Variants in MED12L observed in about 807,000 individuals in gnomAD.
MED12L encodes the protein mediator complex subunit 12L.
A neutral mutation model predicts 281.3 loss-of-function variants in MED12L; 60 were observed. The observed-to-expected ratio is 0.21, with a 90% CI of 0.17 to 0.26. The LOEUF is 0.26. Among genes scored for constraint, MED12L ranks in the 10% least tolerant of loss-of-function variants. MED12L has a pLI of 1.00. For missense variants in MED12L, 2,146 were observed against 2,680.9 expected (o/e 0.80, Z 4.41); for synonymous variants, 974 against 987.2 (o/e 0.99, Z 0.25).
rs200375423 is a variant in MED12L at position 151,317,000 on chromosome 3, T to G, written c.2251-33059T>G. ...TGCTTAAGGAGTGGGGGATGAAGTC[T>G]CGGGTTGGGGCCTACTAACTCATCA... On this transcript the variant is annotated intron_variant, in intron 16 of 44. Transcript: ENST00000687756. 2.6e-5 allele frequency: 4 copies of G among 152,024 alleles called. No homozygotes were observed. In the East Asian group the frequency reaches 7.7e-4, roughly 29 times the overall value. 9.4% of individuals were successfully genotyped at this position (152,024 alleles called of 1,614,324 possible). A position where few individuals can be genotyped will look rare whatever the true frequency, so the allele number is the denominator to read the frequency against.
intron 38 of MED12L, among the ~76,000 whole-genome samples, chr3:151,392,911 AAG>A (rs1201326762): frequency 6.6e-6 from 1 of 152,280 alleles, no homozygotes; most frequent in African/African-American, 2.4e-5. Flanking sequence ...AATCTTTAAA[AAG>A]AATTTCCCTT....
At chr3:151,284,781 T>C (rs1249759742) in intron 16 of MED12L, among the ~76,000 whole-genome samples, 1 of 152,178 alleles carries the variant, frequency 6.6e-6, no homozygotes, top group African/African-American at 2.4e-5. Context: ...GCTAATTTTG[T>C]ATTTTCAGTA....
At chr3:151,170,364 C>T (rs1456351603) in intron 11 of MED12L, among the ~76,000 whole-genome samples, 5 of 151,418 alleles carry the variant, frequency 3.3e-5, no homozygotes, top group African/African-American at 9.7e-5. Flanking sequence ...TAACCTCTGC[C>T]TCCTGAGTTC....
intron 3 of MED12L, 103 bp from the exon 4 acceptor site, chr3:151,122,680 T>C: frequency 1.3e-6 from 1 of 778,800 alleles, no homozygotes; most frequent in Non-Finnish European, 1.9e-6. Flanking sequence ...TGATGGGATG[T>C]ATGAAGATTT....
chr3:151,119,226 T>C (rs1166119749), intron 3 of MED12L, among the ~76,000 whole-genome samples: 1 of 152,206 alleles, frequency 6.6e-6, no homozygotes, highest in Non-Finnish European at 1.5e-5. Context: ...GCTTTTGTTC[T>C]TTAGGATAAA....
At chr3:151,416,034 G>A (rs1465433333) in intron 42 of MED12L, among the ~76,000 whole-genome samples, 1 of 152,102 alleles carries the variant, frequency 6.6e-6, no homozygotes, top group African/African-American at 2.4e-5. Flanking sequence ...AGAAGGGATG[G>A]CCCCGGACAG....
At chr3:151,294,659 T>C in intron 16 of MED12L, 2 of 1,614,212 alleles carry the variant, frequency 1.2e-6, no homozygotes, top group East Asian at 4.5e-5. Flanking sequence ...CAAAGGACTT[T>C]TAAGTTTTGA....
chr3:151,380,086 CTGT>C, intron 31 of MED12L, 24 bp from the exon 32 acceptor site: 2 of 1,357,588 alleles, frequency 1.5e-6, no homozygotes, highest in Non-Finnish European at 2.1e-6. Context: ...CTAACTAGAT[CTGT>C]TGTTATTATT....
intron 16 of MED12L, among the ~76,000 whole-genome samples, chr3:151,267,246 A>G (rs150231813): frequency 5.9e-5 from 9 of 152,144 alleles, no homozygotes; most frequent in African/African-American, 2.2e-4. Context: ...TTTGGCTGTG[A>G]AAAGGATTGT....
chr3:151,239,431 G>T (rs1733623077), intron 16 of MED12L, among the ~76,000 whole-genome samples: 1 of 152,170 alleles, frequency 6.6e-6, no homozygotes, highest in Admixed American at 6.5e-5. Flanking sequence ...TAAACATTTT[G>T]CAAGAGATTG....
At chr3:151,228,584 C>T (rs1026989185) in intron 16 of MED12L, among the ~76,000 whole-genome samples, 18 of 152,290 alleles carry the variant, frequency 1.2e-4, no homozygotes, top group Admixed American at 9.8e-4. Context: ...AGTGCTTGAA[C>T]AAGGGACAAA....
chr3:151,134,373 T>TA (rs1715837291), intron 5 of MED12L, among the ~76,000 whole-genome samples: 1 of 152,226 alleles, frequency 6.6e-6, no homozygotes, highest in Non-Finnish European at 1.5e-5. Flanking sequence ...GTGAAAGAGA[T>TA]ACGTTATTCT....
chr3:151,272,419 C>T (rs1577197996), intron 16 of MED12L, among the ~76,000 whole-genome samples: 1 of 152,286 alleles, frequency 6.6e-6, no homozygotes, highest in East Asian at 1.9e-4. Context: ...TGTATCATGT[C>T]CCTCTTACAA....
chr3:151,300,133 C>A (rs200302935), intron 16 of MED12L: 8 of 1,552,858 alleles, frequency 5.2e-6, no homozygotes, highest in Admixed American at 1.7e-5. Context: ...AGCAAAGATG[C>A]GTGTCAGGAA....
At chr3:151,282,905 T>C (rs1041594909) in intron 16 of MED12L, among the ~76,000 whole-genome samples, 4 of 152,176 alleles carry the variant, frequency 2.6e-5, no homozygotes, top group Non-Finnish European at 5.9e-5. Flanking sequence ...ATGTGAAGCA[T>C]TCAGTTCTAC....
chr3:151,380,100 ACTTC>A lies in MED12L; in HGVS notation c.4479-9_4479-6del. The A allele has an allele frequency of 6.7e-7, 1 of 1,489,908 alleles. No homozygotes were observed. Among genetic ancestry groups the A allele is most frequent in the Non-Finnish European group, 9.2e-7 (1 of 1,088,052 alleles). 92.3% of individuals were successfully genotyped at this position (1,489,908 alleles called of 1,614,324 possible). Reference sequence around the variant, plus strand: ...TCTAACTAGATCTGTTGTTATTATTACTTCCTTTGTAGTATGTCTCTTTTGAGTC... The same window carrying A: ...TCTAACTAGATCTGTTGTTATTATTACTTTGTAGTATGTCTCTTTTGAGTC... On this transcript the variant is annotated splice_polypyrimidine_tract_variant and intron_variant, in intron 31 of 44. Transcript: ENST00000687756.
chr3:151,272,094 G>A (rs1438657612), intron 16 of MED12L, among the ~76,000 whole-genome samples: 2 of 152,232 alleles, frequency 1.3e-5, no homozygotes, highest in African/African-American at 4.8e-5. Flanking sequence ...TAATGTGTGT[G>A]TAAATGGTAT....
rs10572929 is a variant in MED12L at position 151,178,157 on chromosome 3, C to CAAAAAAAAAA, written c.1495-7155_1495-7146dup. Among the ~76,000 whole-genome samples the CAAAAAAAAAA allele has an allele frequency of 2.8e-3, 139 of 49,162 alleles. 8 individuals are homozygous for CAAAAAAAAAA. The highest frequency in any genetic ancestry group is 3.9e-3 in the East Asian group (6 of 1,550). The allele number at this position is 49,162 out of a possible 152,430, so 32.3% of individuals were successfully genotyped here. A position where few individuals can be genotyped will look rare whatever the true frequency, so the allele number is the denominator to read the frequency against. On this transcript the variant is annotated intron_variant, in intron 11 of 44. Coordinates refer to ENST00000687756, the MANE Select transcript of MED12L (RefSeq NM_001393769.1). ...TGGGCAACAGAATGAGACTTGGTCT[C>CAAAAAAAAAA]AAAAAAAAAAAAAAAAAAAAAAAAA... is the stretch of plus-strand genomic sequence containing the variant.
At chr3:151,270,962 A>G (rs1341699565) in intron 16 of MED12L, among the ~76,000 whole-genome samples, 1 of 152,134 alleles carries the variant, frequency 6.6e-6, no homozygotes, top group Non-Finnish European at 1.5e-5. Flanking sequence ...AAATGTTAAA[A>G]GTGTACAAGT....
Sources: allele counts gnomAD v4.1 joint callset (sites outside exome capture counted in the v4.1 genomes callset), GRCh38; gene constraint gnomAD v4.1.1; transcripts MANE v1.5; gene names NCBI Gene and HGNC (gene_info 2026-07-23, HGNC 2026-07-21).